FSTL5: variants seen among roughly 807,000 people sequenced by gnomAD.
FSTL5 encodes the protein follistatin-related protein 5.
A neutral mutation model predicts 89.1 loss-of-function variants in FSTL5; 62 were observed. The ratio of observed to expected loss-of-function variants is 0.70; its 90% CI spans 0.57 to 0.86. The LOEUF (loss-of-function observed/expected upper bound fraction) is 0.86. FSTL5 is among the 40% of genes least tolerant of loss of function. The pLI is 0.00. For missense variants in FSTL5, 1,057 were observed against 1,001.6 expected, an observed-to-expected ratio of 1.06 and a Z score of -0.75; for synonymous variants, 383 against 346.2, an observed-to-expected ratio of 1.11 and a Z score of -1.18.
intron 8 of FSTL5, 99 bp from the exon 9 acceptor site, chr4:161,542,792 A>T: frequency 1.6e-6 from 1 of 623,224 alleles, no homozygotes; most frequent in Non-Finnish European, 2.4e-6. Flanking sequence ...TAAATTATAT[A>T]TTTTAATGAT....
intron 15 of FSTL5, among the ~76,000 whole-genome samples, chr4:161,453,254 T>C (rs1003862878): frequency 4.6e-5 from 7 of 152,218 alleles, no homozygotes; most frequent in African/African-American, 1.7e-4. Context: ...GCAAGGTTGA[T>C]AATAGCATAT....
intron 5 of FSTL5, among the ~76,000 whole-genome samples, chr4:161,768,035 T>C (rs1741078876): frequency 6.6e-6 from 1 of 152,178 alleles, no homozygotes; most frequent in Admixed American, 6.6e-5. Flanking sequence ...TCTTATCATG[T>C]ACGTCTGTAT....
At chr4:161,482,185 G>C (rs779466575) in intron 12 of FSTL5, among the ~76,000 whole-genome samples, 3 of 152,046 alleles carry the variant, frequency 2.0e-5, no homozygotes, top group Non-Finnish European at 4.4e-5. Context: ...GCGTGGTGGT[G>C]GGCACCTGTA....
chr4:161,624,748 A>T (rs111515450), intron 7 of FSTL5, among the ~76,000 whole-genome samples: 134 of 152,242 alleles, frequency 8.8e-4, no homozygotes, highest in African/African-American at 3.1e-3. Context: ...TACTATTCCA[A>T]GATTAAAATA....
At chr4:161,410,806 C>G (rs1731559269) in intron 15 of FSTL5, among the ~76,000 whole-genome samples, 1 of 150,504 alleles carries the variant, frequency 6.6e-6, no homozygotes, top group African/African-American at 2.4e-5. Flanking sequence ...TAATTTTGCA[C>G]TTAAAGGAAT....
At chr4:162,014,252 C>G (rs893668861) in intron 3 of FSTL5, among the ~76,000 whole-genome samples, 1 of 152,184 alleles carries the variant, frequency 6.6e-6, no homozygotes, top group Non-Finnish European at 1.5e-5. Context: ...AAGAACAGAA[C>G]AGTTATTTGC....
intron 12 of FSTL5, chr4:161,495,298 A>C (rs985868771): frequency 6.6e-6 from 1 of 152,172 alleles, no homozygotes; most frequent in Non-Finnish European, 1.5e-5. Flanking sequence ...AGGATGGAAC[A>C]GTAGTAGAAA....
chr4:161,869,185 A>G lies in FSTL5; in HGVS notation c.409+51219T>C, dbSNP rs566874363. Among the ~76,000 whole-genome samples, 265 of 152,322 alleles carry G rather than the reference A, an allele frequency of 1.7e-3. 1 individual carries two copies. The highest frequency in any genetic ancestry group is 6.0e-3 in the African/African-American group (248 of 41,562). On this transcript the variant is annotated intron_variant, in intron 4 of 15. Coordinates refer to ENST00000306100, the MANE Select transcript of FSTL5 (RefSeq NM_020116.5). The stretch of plus-strand genomic sequence containing the variant: ...TGCACTCAGCCTGGGCAACAGAACA[A>G]GACTCCGTCTCAAAAATAAATAAAT...
chr4:162,013,465 C>G (rs1317162998), intron 3 of FSTL5, among the ~76,000 whole-genome samples: 3 of 152,078 alleles, frequency 2.0e-5, no homozygotes, highest in Non-Finnish European at 4.4e-5. Context: ...AATCCAGGAA[C>G]ACTAGAATAG....
Position 161,462,648 on chromosome 4 carries a change from T to G in FSTL5, c.1609-3329A>C, listed in dbSNP as rs117377778. ...TCAAAGGGTTATTGTGAGTATTAGG[T>G]GAGATAGTAAAGTACTTAGCGTGTG... On this transcript the variant is annotated intron_variant, in intron 13 of 15. Coordinates refer to ENST00000306100, the MANE Select transcript of FSTL5 (RefSeq NM_020116.5). 5.2e-3 allele frequency among the ~76,000 whole-genome samples: 784 copies of G among 152,214 alleles called. 16 individuals are homozygous for G. Among genetic ancestry groups the G allele is most frequent in the Admixed American group, 0.039 (591 of 15,286 alleles).
At chr4:161,639,265 T>A (rs1735854973) in intron 7 of FSTL5, among the ~76,000 whole-genome samples, 1 of 152,108 alleles carries the variant, frequency 6.6e-6, no homozygotes, top group Non-Finnish European at 1.5e-5. Context: ...CTAACTGTAA[T>A]TAAAGGGTAA....
At chr4:161,435,591 T>C (rs996108776) in intron 15 of FSTL5, among the ~76,000 whole-genome samples, 8 of 151,840 alleles carry the variant, frequency 5.3e-5, no homozygotes, top group Non-Finnish European at 7.4e-5. Context: ...CTGGATTGTC[T>C]GTAACACAAA....
intron 1 of FSTL5, among the ~76,000 whole-genome samples, chr4:162,152,192 A>G (rs1733249864): frequency 6.6e-6 from 1 of 152,228 alleles, no homozygotes; most frequent in African/African-American, 2.4e-5. Flanking sequence ...TGCAGAGGGT[A>G]TTAATTTGAA....
rs983196630 is a variant in FSTL5, at chr4:161,385,492, A to G, written c.*255T>C. ...TAAATCCTACTTTATTGTTTAAAGC[A>G]TAATTTACATATTTGATTCTTGTGA... On this transcript the variant is annotated 3_prime_UTR_variant, in exon 16 of 16. Coordinates refer to ENST00000306100, the MANE Select transcript of FSTL5 (RefSeq NM_020116.5). 3 of 390,016 alleles carry G rather than the reference A, an allele frequency of 7.7e-6. No homozygotes were observed. Among genetic ancestry groups the G allele is most frequent in the Admixed American group, 8.2e-5 (2 of 24,438 alleles). The allele number at this position is 390,016 out of a possible 1,614,324, so 24.2% of individuals were successfully genotyped here.
At chr4:161,532,336 T>C (rs1188622452) in intron 10 of FSTL5, among the ~76,000 whole-genome samples, 1 of 152,162 alleles carries the variant, frequency 6.6e-6, no homozygotes, top group Non-Finnish European at 1.5e-5. Flanking sequence ...ATTTATTTCA[T>C]ATTAAAGATA....
intron 7 of FSTL5, among the ~76,000 whole-genome samples, chr4:161,593,537 G>A (rs918657340): frequency 1.3e-5 from 2 of 151,730 alleles, no homozygotes; most frequent in Non-Finnish European, 2.9e-5. Context: ...GGGAAGAGGA[G>A]AAGGAGGAGG....
intron 3 of FSTL5, among the ~76,000 whole-genome samples, chr4:161,955,745 A>G (rs1735010422): frequency 6.6e-6 from 1 of 151,906 alleles, no homozygotes; most frequent in African/African-American, 2.4e-5. Flanking sequence ...AGTCTAGCCT[A>G]GTATATTCAG....
chr4:161,899,186 A>G (rs4691803), intron 4 of FSTL5, among the ~76,000 whole-genome samples: 57,802 of 151,954 alleles, frequency 0.38, 11,266 homozygotes, highest in South Asian at 0.42. Context: ...TTGTTTGAAA[A>G]AGAAGTTTTT....
chr4:162,038,350 C>G (rs542364860), intron 2 of FSTL5, among the ~76,000 whole-genome samples: 1 of 151,766 alleles, frequency 6.6e-6, no homozygotes, highest in Admixed American at 6.6e-5. Context: ...AAAGCTTTAG[C>G]AGACAGTATG....
Sources: gnomAD v4.1 joint callset for allele counts (sites outside exome capture counted in the v4.1 genomes callset) on GRCh38, gnomAD v4.1.1 for gene constraint, MANE v1.5 for transcripts, NCBI Gene and HGNC (gene_info 2026-07-23, HGNC 2026-07-21) for gene names.